COL5A2: variants seen among roughly 807,000 people sequenced by gnomAD.
COL5A2 encodes collagen type V alpha 2 chain, also known as collagen alpha-2(V) chain.
COL5A2 carries 23 observed loss-of-function variants against 208.2 expected under a neutral mutation model. The ratio of observed to expected loss-of-function variants is 0.11; its 90% CI spans 0.08 to 0.16. The LOEUF is 0.16. Ranked by LOEUF, COL5A2 falls within the 10% of genes least tolerant of loss-of-function variation. The pLI is 1.00. For synonymous variants in COL5A2, 625 were observed against 628.5 expected (o/e 0.99, Z 0.08); for missense variants, 1,590 against 1,956.4 (o/e 0.81, Z 3.53).
intron 1 of COL5A2, among the ~76,000 whole-genome samples, chr2:189,175,912 AGTCTGAAT>A (rs1282854371): frequency 6.6e-6 from 1 of 152,176 alleles, no homozygotes; most frequent in Non-Finnish European, 1.5e-5. Flanking sequence ...CCACTATAAA[AGTCTGAAT>A]GTCCTACATG....
the COL5A2 span, among the ~76,000 whole-genome samples, chr2:189,324,138 G>T: frequency 1.1e-3 from 168 of 152,286 alleles, 1 homozygote; most frequent in African/African-American, 3.9e-3. Context: ...GCTGAAACTG[G>T]ATCCCTTCCT....
chr2:189,228,869 T>G (rs1367221588), upstream of COL5A2, among the ~76,000 whole-genome samples: 2 of 151,744 alleles, frequency 1.3e-5, no homozygotes, highest in Non-Finnish European at 2.9e-5. Flanking sequence ...AAAATAAAAC[T>G]GTAAGTTAAT....
chr2:189,216,033 T>A (rs867037757), intron 1 of COL5A2, among the ~76,000 whole-genome samples: 5 of 152,092 alleles, frequency 3.3e-5, no homozygotes, highest in Non-Finnish European at 7.4e-5. Context: ...AAACTAAACA[T>A]GCTATTGGGC....
chr2:189,398,229 T>C, the COL5A2 span, among the ~76,000 whole-genome samples: 1 of 152,212 alleles, frequency 6.6e-6, no homozygotes, highest in South Asian at 2.1e-4. Context: ...CTATGGAAAA[T>C]GTTTTATATA....
chr2:189,117,484 G>A (rs1455262595), intron 1 of COL5A2, among the ~76,000 whole-genome samples: 1 of 152,112 alleles, frequency 6.6e-6, no homozygotes, highest in Non-Finnish European at 1.5e-5. Flanking sequence ...TGTTCTGAAT[G>A]ATGTCTACTT....
the COL5A2 span, among the ~76,000 whole-genome samples, chr2:189,332,739 C>T: frequency 1.3e-5 from 2 of 152,284 alleles, no homozygotes; most frequent in South Asian, 4.1e-4. Context: ...AAATTACCCA[C>T]TCTTGGTATG....
At chr2:189,172,693 C>A (rs969110047) in intron 1 of COL5A2, among the ~76,000 whole-genome samples, 1 of 152,028 alleles carries the variant, frequency 6.6e-6, no homozygotes, top group Non-Finnish European at 1.5e-5. Context: ...TAGACTACAA[C>A]GAGGCTATGA....
At chr2:189,035,880 T>C (rs911680243) in intron 52 of COL5A2, among the ~76,000 whole-genome samples, 12 of 152,052 alleles carry the variant, frequency 7.9e-5, no homozygotes, top group Non-Finnish European at 1.0e-4. Flanking sequence ...GAATGAAATA[T>C]TCACATTGCA....
At position 189,145,798 on chromosome 2, in the gene COL5A2, A is replaced by T. The variant is rs1356224187; in HGVS notation, c.97+33710T>A. ...GATAAGGCATAATTATTATTTTCTG[A>T]AAAGGAAAAAAAGGAGAAAATAGAT... On this transcript the variant is annotated intron_variant, in intron 1 of 53. Coordinates refer to ENST00000374866, the MANE Select transcript of COL5A2 (RefSeq NM_000393.5). Among the ~76,000 whole-genome samples the T allele has an allele frequency of 3.3e-5, 5 of 152,150 alleles. 1 individual carries two copies. Among genetic ancestry groups the T allele is most frequent in the Admixed American group, 2.6e-4 (4 of 15,250 alleles).
At chr2:189,422,354 C>T in the COL5A2 span, among the ~76,000 whole-genome samples, 1 of 151,778 alleles carries the variant, frequency 6.6e-6, no homozygotes, top group African/African-American at 2.4e-5. Flanking sequence ...TTTTAAGAAA[C>T]AGAAATTTTG....
At chr2:189,305,480 A>G in the COL5A2 span, among the ~76,000 whole-genome samples, 2 of 152,248 alleles carry the variant, frequency 1.3e-5, no homozygotes, top group African/African-American at 4.8e-5. Context: ...TGAGGATGTA[A>G]TAATGAGTCA....
chr2:189,309,113 T>A, the COL5A2 span, among the ~76,000 whole-genome samples: 1 of 152,324 alleles, frequency 6.6e-6, no homozygotes, highest in African/African-American at 2.4e-5. Flanking sequence ...GAATAGGGCA[T>A]GAGAGGGTCT....
intron 1 of COL5A2, among the ~76,000 whole-genome samples, chr2:189,197,295 C>T (rs962526989): frequency 1.4e-4 from 22 of 151,754 alleles, no homozygotes; most frequent in African/African-American, 4.8e-4. Flanking sequence ...GGTTGGGGTG[C>T]GATGGGAGAG....
chr2:189,043,409 T>C (rs1425708271), intron 47 of COL5A2, 151 bp from the exon 48 acceptor site: 1 of 555,050 alleles, frequency 1.8e-6, no homozygotes, highest in Non-Finnish European at 3.2e-6. Flanking sequence ...CTAAAAATAG[T>C]ATTAGACCTA....
chr2:189,410,482 C>A, the COL5A2 span, among the ~76,000 whole-genome samples: 1 of 152,066 alleles, frequency 6.6e-6, no homozygotes, highest in Admixed American at 6.6e-5. Context: ...AGGAGGATTG[C>A]TTGAGCCCAG....
the COL5A2 span, among the ~76,000 whole-genome samples, chr2:189,436,860 C>T: frequency 1.4e-4 from 21 of 152,094 alleles, no homozygotes; most frequent in Non-Finnish European, 2.5e-4. Flanking sequence ...CAGGGGTGGC[C>T]GAGTGGAGGG....
chr2:189,311,717 G>T, the COL5A2 span: 2 of 758,326 alleles, frequency 2.6e-6, no homozygotes, highest in African/African-American at 3.4e-5. Context: ...GACCACTGTG[G>T]TCTCTCCTCA....
chr2:189,183,422 A>T (rs1415002922), upstream of COL5A2, among the ~76,000 whole-genome samples: 1 of 152,094 alleles, frequency 6.6e-6, no homozygotes, highest in African/African-American at 2.4e-5. Context: ...CTATTAAATT[A>T]AATCCCTTGA....
At chr2:189,409,626 TA>T in the COL5A2 span, among the ~76,000 whole-genome samples, 1 of 152,206 alleles carries the variant, frequency 6.6e-6, no homozygotes, top group Admixed American at 6.5e-5. Context: ...CTTAATTTCT[TA>T]AAAACTATTC....
Sources: gnomAD v4.1 joint callset for allele counts (sites outside exome capture counted in the v4.1 genomes callset) on GRCh38, gnomAD v4.1.1 for gene constraint, MANE v1.5 for transcripts, NCBI Gene and HGNC (gene_info 2026-07-23, HGNC 2026-07-21) for gene names.